The following PHYH variants were observed in gnomAD, a reference collection of about 807,000 sequenced individuals.
PHYH encodes the protein phytanoyl-CoA dioxygenase, peroxisomal.
In PHYH, 32 loss-of-function variants were observed where a neutral mutation model predicts 38.5. The observed-to-expected ratio is 0.83, with a 90% CI of 0.63 to 1.12. PHYH has a LOEUF of 1.12. PHYH is among the 50% of genes most tolerant of loss of function. PHYH has a pLI of 0.00. For synonymous variants in PHYH, 166 were observed against 157.9 expected, an observed-to-expected ratio of 1.05 and a Z score of -0.38; for missense variants, 426 against 434.8, an observed-to-expected ratio of 0.98 and a Z score of 0.18.
At chr10:13,294,631 G>A (rs774393878) in intron 3 of PHYH, 35 bp from the exon 4 acceptor site, 21 of 1,598,980 alleles carry the variant, frequency 1.3e-5, no homozygotes, top group Middle Eastern at 3.3e-4. Flanking sequence ...TGTCGTTACC[G>A]CTGGCTCCAA....
At chr10:13,279,145 T>C (rs551993917) in intron 8 of PHYH, among the ~76,000 whole-genome samples, 29 of 152,230 alleles carry the variant, frequency 1.9e-4, no homozygotes, top group Admixed American at 1.6e-3. Context: ...ATTAGAGGCA[T>C]GTGCCACCAC....
At chr10:13,284,238 G>A (rs980173179) in intron 6 of PHYH, among the ~76,000 whole-genome samples, 23 of 152,012 alleles carry the variant, frequency 1.5e-4, no homozygotes, top group South Asian at 4.1e-4. Flanking sequence ...TGGGAGGATC[G>A]ATTGAGCCGG....
chr10:13,299,693 G>C (rs1832695613), intron 1 of PHYH: 5 of 1,269,342 alleles, frequency 3.9e-6, no homozygotes, highest in African/African-American at 3.2e-5. Context: ...TCCACAAAGA[G>C]AGGAGCAGAG....
At chr10:13,282,621 T>C (rs1277618734) in intron 7 of PHYH, among the ~76,000 whole-genome samples, 2 of 140,134 alleles carry the variant, frequency 1.4e-5, no homozygotes, top group Non-Finnish European at 3.1e-5. Flanking sequence ...AAAAGGAAAA[T>C]TGCCAAGTCT....
Position 13,298,134 on chromosome 10 carries a change from A to C in PHYH, c.134+53T>G. On this transcript the variant is annotated intron_variant, in intron 2 of 8. Transcript: ENST00000263038. The stretch of plus-strand genomic sequence containing the variant: ...ATGTGGTATATCTTCATTACCACTC[A>C]AGAAACTTTTATATACATAATATAT... The C allele has an allele frequency of 2.7e-6, 3 of 1,111,522 alleles. No homozygotes were observed. The South Asian group carries it at 3.8e-5, about 14-fold the overall frequency. 68.9% of individuals were successfully genotyped at this position (1,111,522 alleles called of 1,614,324 possible). A position where few individuals can be genotyped will look rare whatever the true frequency, so the allele number is the denominator to read the frequency against.
At chr10:13,288,299 G>C in intron 6 of PHYH, 61 bp downstream of exon 6, 1 of 1,410,118 alleles carries the variant, frequency 7.1e-7, no homozygotes, top group Non-Finnish European at 1.0e-6. Context: ...TAGAGGTACT[G>C]ATGTGAAACA....
chr10:13,295,729 A>G (rs1835831265), intron 2 of PHYH, 123 bp from the exon 3 acceptor site: 1 of 655,514 alleles, frequency 1.5e-6, no homozygotes, highest in African/African-American at 1.8e-5. Context: ...TGAGGTCAGG[A>G]GTTTGAGACT....
chr10:13,292,321 C>T (rs1414396), intron 4 of PHYH, among the ~76,000 whole-genome samples: 22,391 of 152,144 alleles, frequency 0.15, 1,811 homozygotes, highest in African/African-American at 0.19. Context: ...CGGAAGAAAG[C>T]AGAATGGTGG....
intron 1 of PHYH, among the ~76,000 whole-genome samples, chr10:13,298,927 ATAAT>A (rs1832659387): frequency 1.9e-4 from 3 of 15,690 alleles, no homozygotes; most frequent in African/African-American, 4.5e-4. Flanking sequence ...CTCAAAAATA[ATAAT>A]AATAATAATA....
chr10:13,279,735 G>T (rs1419325314), intron 8 of PHYH, among the ~76,000 whole-genome samples: 1 of 152,138 alleles, frequency 6.6e-6, no homozygotes, highest in South Asian at 2.1e-4. Flanking sequence ...AACTAAATGT[G>T]GGAGGTATTC....
Position 13,288,369 on chromosome 10 carries a change from G to T in PHYH, c.669C>A (p.Pro223=), listed in dbSNP as rs762562680. The T allele has an allele frequency of 6.2e-7, 1 of 1,613,696 alleles. No homozygotes were observed. The highest frequency in any genetic ancestry group is 8.5e-7 in the Non-Finnish European group (1 of 1,179,968). ...CGCCGGGCAGACCTACCTCCCACTT[G>T]GGGTAATCGTGGGGCTTCAGGGAGC... is the stretch of plus-strand genomic sequence containing the variant. The part of the protein sequence containing the change: ...HKGSLKPHDY[P]KWEGGVNKMF... The change falls in exon 6 of 9, where the codon CCC becomes CCA. Residue 223 remains proline, a synonymous_variant. Coordinates refer to ENST00000263038, the MANE Select transcript of PHYH (RefSeq NM_006214.4).
In PHYH at chr10:13,281,003, A is replaced by G. The variant is rs759565915; in HGVS notation, c.936T>C (p.Phe312=). 1.6e-5 allele frequency: 26 copies of G among 1,613,946 alleles called. No homozygotes were observed. In the East Asian group the frequency reaches 5.3e-4, roughly 33 times the overall value. ...KEVVGIAHKF[F]GAENSVNLKD... ...TCAAGTTCACGCTATTTTCAGCTCC[A>G]AAGAATTTATGTGCTATTCCTACAA... The change falls in exon 8 of 9, where the codon TTT becomes TTC. Residue 312 remains phenylalanine, a synonymous_variant. Transcript: ENST00000263038.
chr10:13,299,525 G>C, intron 1 of PHYH: 4 of 1,006,272 alleles, frequency 4.0e-6, no homozygotes, highest in Non-Finnish European at 4.8e-6. Context: ...TCCTGCCCGG[G>C]AGGGCACCGT....
chr10:13,296,243 G>C (rs527439466), intron 2 of PHYH, among the ~76,000 whole-genome samples: 2 of 121,350 alleles, frequency 1.6e-5, no homozygotes, highest in African/African-American at 5.6e-5. Context: ...CTAAGACCAA[G>C]GAAATAATCT....
At position 13,286,057 on chromosome 10, in the gene PHYH, G is replaced by A. The variant is rs567530927; in HGVS notation, c.679-2218C>T. ...GGAATAGCTGGGACTACATGCATGC[G>A]CCACCATGCCCAGCTAATTATTATT... is the stretch of plus-strand genomic sequence containing the variant. On this transcript the variant is annotated intron_variant, in intron 6 of 8. Coordinates refer to ENST00000263038, the MANE Select transcript of PHYH (RefSeq NM_006214.4). Among the ~76,000 whole-genome samples the A allele has an allele frequency of 1.5e-4, 23 of 152,028 alleles. No homozygotes were observed. In the East Asian group the frequency reaches 2.7e-3, roughly 18 times the overall value.
chr10:13,291,330 T>C (rs1006132982), intron 5 of PHYH: 5 of 160,816 alleles, frequency 3.1e-5, no homozygotes, highest in African/African-American at 1.2e-4. Flanking sequence ...CATCTGAAAA[T>C]TCAGCAACAG....
At chr10:13,295,440 C>G in intron 3 of PHYH, 56 bp downstream of exon 3, 1 of 906,438 alleles carries the variant, frequency 1.1e-6, no homozygotes, top group South Asian at 1.3e-5. Context: ...ACCTTGTATT[C>G]TCATTACATG....
At chr10:13,294,635 G>T (rs1306510970) in intron 3 of PHYH, 39 bp from the exon 4 acceptor site, 1 of 1,588,834 alleles carries the variant, frequency 6.3e-7, no homozygotes, top group Non-Finnish European at 8.6e-7. Context: ...GTTACCGCTG[G>T]CTCCAAGCAC....
intron 6 of PHYH, among the ~76,000 whole-genome samples, chr10:13,286,309 C>T (rs1205288220): frequency 6.6e-6 from 1 of 152,146 alleles, no homozygotes; most frequent in African/African-American, 2.4e-5. Flanking sequence ...GATCCCATCA[C>T]TCATGAGCTC....
Sources: allele counts gnomAD v4.1 joint callset (sites outside exome capture counted in the v4.1 genomes callset), GRCh38; gene constraint gnomAD v4.1.1; transcripts MANE v1.5; gene names NCBI Gene and HGNC (gene_info 2026-07-23, HGNC 2026-07-21).